ATP6V1C2: variants seen among roughly 807,000 people sequenced by gnomAD.
ATP6V1C2 encodes V-type proton ATPase subunit C 2.
ATP6V1C2 carries 45 observed loss-of-function variants against 56.8 expected under a neutral mutation model. The ratio of observed to expected loss-of-function variants is 0.79; its 90% CI spans 0.62 to 1.02. ATP6V1C2 has a LOEUF of 1.02. Ranked by LOEUF, ATP6V1C2 falls within the 50% of genes least tolerant of loss-of-function variation. The probability of loss-of-function intolerance (pLI) is 0.00; values close to 1 mark genes in which losing one functional copy is unlikely to be tolerated. For synonymous variants in ATP6V1C2, 220 were observed against 201.3 expected (o/e 1.09, Z -0.79); for missense variants, 463 against 519.7 (o/e 0.89, Z 1.06).
intron 3 of ATP6V1C2, among the ~76,000 whole-genome samples, chr2:10,729,809 C>T (rs541889640): frequency 1.7e-4 from 26 of 152,160 alleles, no homozygotes; most frequent in Admixed American, 1.5e-3. Flanking sequence ...GAGCTGTGAT[C>T]GTGCCACTGC....
At position 10,780,640 on chromosome 2, in the gene ATP6V1C2, T is replaced by C. The variant is rs942150454; in HGVS notation, c.1062-1603T>C. ...CAACCCTGCCCGGCTCAGAAGTCGG[T>C]TGCTCTCAGGCCTAACGGCCTAACA... On this transcript the variant is annotated intron_variant, in intron 12 of 13. Transcript: ENST00000272238. This position sits in a 1 kb window ranked among gnomAD's most constrained non-coding sequence, Gnocchi z 4.1. Among the ~76,000 whole-genome samples, 5 of 152,164 alleles carry C rather than the reference T, an allele frequency of 3.3e-5. No individual in the cohort carries two copies. The highest frequency in any genetic ancestry group is 7.3e-5 in the Non-Finnish European group (5 of 68,030).
chr2:10,774,198 C>A (rs953922542), intron 8 of ATP6V1C2, among the ~76,000 whole-genome samples: 45 of 152,208 alleles, frequency 3.0e-4, no homozygotes, highest in African/African-American at 1.1e-3. Flanking sequence ...GAAGGGTGAC[C>A]CTGCCAGCAT....
chr2:10,726,431 C>A, intron 2 of ATP6V1C2, 71 bp from the exon 3 acceptor site: 1 of 1,171,042 alleles, frequency 8.5e-7, no homozygotes, highest in Non-Finnish European at 1.3e-6. Flanking sequence ...AGAGTCCCTG[C>A]CGTGTTGTTG....
At chr2:10,756,824 A>C (rs1015212561) in intron 4 of ATP6V1C2, among the ~76,000 whole-genome samples, 1 of 152,132 alleles carries the variant, frequency 6.6e-6, no homozygotes, top group African/African-American at 2.4e-5. Flanking sequence ...GGTTTTTGTA[A>C]GTGCCCTCTG....
intron 3 of ATP6V1C2, among the ~76,000 whole-genome samples, chr2:10,732,125 A>C (rs1661981321): frequency 6.6e-6 from 1 of 152,050 alleles, no homozygotes; most frequent in Non-Finnish European, 1.5e-5. Context: ...TTAGCTCTGA[A>C]ATTCTGTGAT....
chr2:10,764,234 T>A (rs1428663542), intron 4 of ATP6V1C2, 97 bp from the exon 5 acceptor site: 1 of 1,115,174 alleles, frequency 9.0e-7, no homozygotes, highest in Non-Finnish European at 1.3e-6. Flanking sequence ...GATGGCTGCC[T>A]TCGTGTCCAC....
At chr2:10,734,171 C>G (rs1200571981) in intron 3 of ATP6V1C2, among the ~76,000 whole-genome samples, 3 of 152,118 alleles carry the variant, frequency 2.0e-5, no homozygotes, top group Non-Finnish European at 2.9e-5. Flanking sequence ...GGCAGCCCTA[C>G]TGTGTGTGTC....
chr2:10,748,046 C>T lies in ATP6V1C2; in HGVS notation c.198-5935C>T, dbSNP rs1663018358. On this transcript the variant is annotated intron_variant, in intron 3 of 13. Transcript: ENST00000272238. Reference sequence around the variant, plus strand: ...TAGAGTAGCTGGTATTACAGGCATGCACCACTACGCCCGGCTAATTTTTGT... The same window carrying T: ...TAGAGTAGCTGGTATTACAGGCATGTACCACTACGCCCGGCTAATTTTTGT... Among the ~76,000 whole-genome samples, 2 of 152,056 alleles carry T rather than the reference C, an allele frequency of 1.3e-5. 1 individual carries two copies. Among genetic ancestry groups the T allele is most frequent in the South Asian group, 4.2e-4 (2 of 4,818 alleles).
At position 10,782,115 on chromosome 2, in the gene ATP6V1C2, A is replaced by C; in HGVS notation, c.1062-128A>C. The C allele has an allele frequency of 3.5e-6, 4 of 1,156,522 alleles. No individual in the cohort carries two copies. In the South Asian group the frequency reaches 6.0e-5, roughly 17 times the overall value. 71.6% of individuals were successfully genotyped at this position (1,156,522 alleles called of 1,614,324 possible). ...CCGCTGACCCTAGGCATTTTGCTCGAGTTTGACTTTATGAAGCTGTGTTGG... is the reference window on the plus strand; with the variant it reads ...CCGCTGACCCTAGGCATTTTGCTCGCGTTTGACTTTATGAAGCTGTGTTGG... On this transcript the variant is annotated intron_variant, in intron 12 of 13. Coordinates refer to ENST00000272238, the MANE Select transcript of ATP6V1C2 (RefSeq NM_001039362.2).
intron 7 of ATP6V1C2, 84 bp downstream of exon 7, chr2:10,772,021 C>A: frequency 8.3e-7 from 1 of 1,200,738 alleles, no homozygotes; most frequent in Non-Finnish European, 1.2e-6. Context: ...GCAGTGTGGA[C>A]GAGGATGCTC....
At chr2:10,777,284 T>C (rs1449035243) in intron 10 of ATP6V1C2, among the ~76,000 whole-genome samples, 2 of 152,230 alleles carry the variant, frequency 1.3e-5, no homozygotes, top group Non-Finnish European at 2.9e-5. Context: ...CGGCCTGCGA[T>C]GGGGGTCCTG....
intron 6 of ATP6V1C2, among the ~76,000 whole-genome samples, chr2:10,771,525 C>G (rs898763648): frequency 5.3e-5 from 8 of 152,124 alleles, no homozygotes; most frequent in African/African-American, 1.9e-4. Context: ...GGAGCTGGCA[C>G]CAGGGCAGCG....
intron 3 of ATP6V1C2, among the ~76,000 whole-genome samples, chr2:10,741,892 CTCCT>C (rs56236466): frequency 0.046 from 6,670 of 144,106 alleles, 412 homozygotes; most frequent in African/African-American, 0.14. Flanking sequence ...CCCTCCTTCC[CTCCT>C]TCCTTCCTTC....
intron 4 of ATP6V1C2, among the ~76,000 whole-genome samples, chr2:10,759,061 G>A (rs945965603): frequency 6.6e-6 from 1 of 152,226 alleles, no homozygotes; most frequent in Non-Finnish European, 1.5e-5. Context: ...ACTAGTGATT[G>A]ACAGGATGAA....
intron 3 of ATP6V1C2, among the ~76,000 whole-genome samples, chr2:10,744,669 C>CT (rs772851204): frequency 0.038 from 4,756 of 125,516 alleles, 317 homozygotes; most frequent in African/African-American, 0.11. Flanking sequence ...TTCTCTTTTT[C>CT]TTTTTTTTTT....
intron 4 of ATP6V1C2, 90 bp downstream of exon 4, chr2:10,754,156 G>C: frequency 9.1e-7 from 1 of 1,094,934 alleles, no homozygotes; most frequent in South Asian, 1.4e-5. Flanking sequence ...AGCAATCACC[G>C]AGATGGCCCA....
chr2:10,778,592 C>T lies in ATP6V1C2; in HGVS notation c.984C>T (p.Leu328=). The change falls in exon 12 of 14, where the codon CTC becomes CTT. Residue 328 remains leucine (L), a synonymous_variant. Coordinates refer to ENST00000272238, the MANE Select transcript of ATP6V1C2 (RefSeq NM_001039362.2). ...GEGEGPLLRW[L]KVNFSEAFIA... ...TGCAGGGCCCCCTGCTGCGCTGGCTCAAGGTGAACTTCAGTGAAGCCTTCA... is the reference window on the plus strand; with the variant it reads ...TGCAGGGCCCCCTGCTGCGCTGGCTTAAGGTGAACTTCAGTGAAGCCTTCA... 1.9e-6 allele frequency: 3 copies of T among 1,614,200 alleles called. No individual in the cohort carries two copies. The highest frequency in any genetic ancestry group is 2.5e-6 in the Non-Finnish European group (3 of 1,180,030).
intron 4 of ATP6V1C2, among the ~76,000 whole-genome samples, chr2:10,758,008 T>G (rs1663655644): frequency 6.6e-6 from 1 of 152,218 alleles, no homozygotes; most frequent in South Asian, 2.1e-4. Context: ...CAAATCATTT[T>G]AGGTTGCATA....
intron 3 of ATP6V1C2, among the ~76,000 whole-genome samples, chr2:10,737,035 C>T (rs554330314): frequency 4.6e-5 from 7 of 151,972 alleles, no homozygotes; most frequent in South Asian, 2.1e-4. Flanking sequence ...AGGCATGAAC[C>T]GCTGTCCTCA....
Sources: allele counts gnomAD v4.1 joint callset (sites outside exome capture counted in the v4.1 genomes callset), GRCh38; gene constraint gnomAD v4.1.1; non-coding constraint Gnocchi (gnomAD v3.1); transcripts MANE v1.5; gene names NCBI Gene and HGNC (gene_info 2026-07-23, HGNC 2026-07-21).